The following ADCY3 variants were observed in gnomAD, a reference collection of about 807,000 sequenced individuals.
ADCY3 encodes the protein adenylate cyclase type 3.
A neutral mutation model predicts 119.4 loss-of-function variants in ADCY3; 70 were observed. That is an observed-to-expected ratio of 0.59 (90% CI 0.48 to 0.72). The LOEUF is 0.72. Among genes scored for constraint, ADCY3 ranks in the 30% least tolerant of loss-of-function variants. The pLI, the probability that ADCY3 is intolerant of heterozygous loss-of-function variation, is 0.00. For synonymous variants in ADCY3, 672 were observed against 621.4 expected (o/e 1.08, Z -1.21); for missense variants, 1,238 against 1,541.6 (o/e 0.80, Z 3.30).
chr2:24,894,984 A>G (rs1373463048), intron 2 of ADCY3, among the ~76,000 whole-genome samples: 2 of 151,322 alleles, frequency 1.3e-5, no homozygotes, highest in Non-Finnish European at 2.9e-5. Flanking sequence ...GTTCCTCTCT[A>G]TGTCGTGTGT....
chr2:24,890,041 G>A (rs1458229590), intron 2 of ADCY3, among the ~76,000 whole-genome samples: 1 of 152,146 alleles, frequency 6.6e-6, no homozygotes, highest in Admixed American at 6.5e-5. Context: ...AATGGATGCT[G>A]AATTTTGTCA....
At chr2:24,850,620 T>C (rs1464275885) in intron 3 of ADCY3, among the ~76,000 whole-genome samples, 1 of 152,248 alleles carries the variant, frequency 6.6e-6, no homozygotes, top group Non-Finnish European at 1.5e-5. Context: ...TCCAAACCTT[T>C]GACCCATTAA....
chr2:24,871,468 C>T (rs547720468), intron 3 of ADCY3, among the ~76,000 whole-genome samples: 1 of 152,236 alleles, frequency 6.6e-6, no homozygotes, highest in Non-Finnish European at 1.5e-5. Flanking sequence ...ATCCCCAGGA[C>T]AGTGGAATCG....
At position 24,834,412 on chromosome 2, in the gene ADCY3, C is replaced by G; in HGVS notation, c.1967+73G>C. 7.6e-7 allele frequency: 1 copy of G among 1,314,724 alleles called. No homozygotes were observed. 81.4% of individuals were successfully genotyped at this position (1,314,724 alleles called of 1,614,324 possible). A position where few individuals can be genotyped will look rare whatever the true frequency, so the allele number is the denominator to read the frequency against. ...CCCCAATGTCAGGCTCCCGCTGAGACACCTGCCCCCGCCCCCCGCCCGGCA... is the reference window on the plus strand; with the variant it reads ...CCCCAATGTCAGGCTCCCGCTGAGAGACCTGCCCCCGCCCCCCGCCCGGCA... On this transcript the variant is annotated intron_variant, in intron 11 of 21. Coordinates refer to ENST00000679454, the MANE Select transcript of ADCY3 (RefSeq NM_004036.5). The surrounding 1 kb of genome is among the most constrained non-coding windows in gnomAD (Gnocchi z 4.2).
intron 2 of ADCY3, among the ~76,000 whole-genome samples, chr2:24,896,784 CACAG>C (rs1678340110): frequency 6.6e-6 from 1 of 152,088 alleles, no homozygotes. Context: ...GATTCTGTCC[CACAG>C]ATTCTAGAAA....
At chr2:24,870,375 T>C (rs976649471) in intron 3 of ADCY3, among the ~76,000 whole-genome samples, 2 of 148,284 alleles carry the variant, frequency 1.3e-5, no homozygotes, top group African/African-American at 5.0e-5. Flanking sequence ...GTTTTACATA[T>C]GGGGATACTG....
At chr2:24,881,858 A>G (rs1040991872) in intron 2 of ADCY3, among the ~76,000 whole-genome samples, 3 of 152,176 alleles carry the variant, frequency 2.0e-5, no homozygotes, top group Non-Finnish European at 4.4e-5. Flanking sequence ...AGCGGGTGCT[A>G]CTGGCCTCTA....
At chr2:24,892,648 G>C (rs1677808613) in intron 2 of ADCY3, among the ~76,000 whole-genome samples, 1 of 152,108 alleles carries the variant, frequency 6.6e-6, no homozygotes, top group Non-Finnish European at 1.5e-5. Flanking sequence ...TTGGGTGCAG[G>C]GTTCTATAAA....
At chr2:24,856,075 G>A (rs1672958574) in intron 3 of ADCY3, among the ~76,000 whole-genome samples, 1 of 152,230 alleles carries the variant, frequency 6.6e-6, no homozygotes, top group African/African-American at 2.4e-5. Context: ...AATGAGGTTG[G>A]CTGGTGAGAA....
intron 20 of ADCY3, chr2:24,821,054 C>CT (rs372861677): frequency 4.6e-6 from 3 of 654,230 alleles, no homozygotes; most frequent in African/African-American, 3.7e-5. Context: ...GCCACCCCCC[C>CT]CCCATATGCA....
intron 8 of ADCY3, among the ~76,000 whole-genome samples, chr2:24,837,984 T>C (rs1020821953): frequency 2.0e-5 from 3 of 151,884 alleles, no homozygotes; most frequent in Non-Finnish European, 4.4e-5. Flanking sequence ...CTATTACTTC[T>C]ATCTCATTCC....
At position 24,899,713 on chromosome 2, in the gene ADCY3, G is replaced by C. The variant is rs1292771127; in HGVS notation, c.675+18600C>G. 2.0e-5 allele frequency among the ~76,000 whole-genome samples: 3 copies of C among 152,190 alleles called. No homozygotes were observed. The highest frequency in any genetic ancestry group is 4.4e-5 in the Non-Finnish European group (3 of 68,040). ...ACCATAGAGGGGTGTGTAGAGCTTTGCTTCCCCGATTTGCATAAGCTTATA... is the reference window on the plus strand; with the variant it reads ...ACCATAGAGGGGTGTGTAGAGCTTTCCTTCCCCGATTTGCATAAGCTTATA... On this transcript the variant is annotated intron_variant, in intron 2 of 21. Coordinates refer to ENST00000679454, the MANE Select transcript of ADCY3 (RefSeq NM_004036.5). This position sits in a 1 kb window ranked among gnomAD's most constrained non-coding sequence, Gnocchi z 4.5.
At position 24,842,144 on chromosome 2, in the gene ADCY3, T is replaced by C; in HGVS notation, c.956+110A>G. ...GATGAATGCTGTGGGAGGCCTTGCT[T>C]CTAGTCCCTGGAAAACCTCTTGAAG... On this transcript the variant is annotated intron_variant, in intron 4 of 21. Transcript: ENST00000679454. The surrounding 1 kb of genome is among the most constrained non-coding windows in gnomAD (Gnocchi z 4.9). 1 of 1,502,526 alleles carries C rather than the reference T, an allele frequency of 6.7e-7. No individual in the cohort carries two copies. Among genetic ancestry groups the C allele is most frequent in the South Asian group, 1.2e-5 (1 of 81,766 alleles). 93.1% of individuals were successfully genotyped at this position (1,502,526 alleles called of 1,614,324 possible).
chr2:24,824,663 C>T lies in ADCY3; in HGVS notation c.2578-127G>A, dbSNP rs553693228. The T allele has an allele frequency of 1.8e-5, 18 of 992,624 alleles. No individual in the cohort carries two copies. The Admixed American group carries it at 1.8e-4, about 10-fold the overall frequency. 61.5% of individuals were successfully genotyped at this position (992,624 alleles called of 1,614,324 possible). On this transcript the variant is annotated intron_variant, in intron 16 of 21. Coordinates refer to ENST00000679454, the MANE Select transcript of ADCY3 (RefSeq NM_004036.5). ...CAGCACTTTGGGAGGCCGAGGCAGG[C>T]GGATCACCTGAGGTCAGGAGTTCGA...
intron 21 of ADCY3, 92 bp from the exon 22 acceptor site, chr2:24,820,206 G>T (rs377714251): frequency 2.4e-6 from 3 of 1,263,100 alleles, no homozygotes; most frequent in Non-Finnish European, 3.2e-6. Context: ...GCCGAGCACT[G>T]ATCCATGGGT....
chr2:24,844,211 G>A (rs1288155650), intron 3 of ADCY3, among the ~76,000 whole-genome samples: 2 of 152,148 alleles, frequency 1.3e-5, no homozygotes, highest in Non-Finnish European at 2.9e-5. Context: ...GGCCAGGCCC[G>A]TGTCGCCATG....
intron 13 of ADCY3, 59 bp from the exon 14 acceptor site, chr2:24,828,220 CAGAG>C: frequency 6.3e-7 from 1 of 1,594,208 alleles, no homozygotes; most frequent in Non-Finnish European, 8.5e-7. Context: ...GTGCTGGTCA[CAGAG>C]GGCTGTGCAT....
At chr2:24,904,904 G>A (rs1186512415) in intron 2 of ADCY3, among the ~76,000 whole-genome samples, 2 of 152,174 alleles carry the variant, frequency 1.3e-5, no homozygotes, top group East Asian at 1.9e-4. Flanking sequence ...GCCTCCCAAA[G>A]TGTTAGGATT....
chr2:24,877,806 C>T (rs1391286389), intron 2 of ADCY3: 1 of 453,564 alleles, frequency 2.2e-6, no homozygotes, highest in Non-Finnish European at 4.6e-6. Flanking sequence ...AGGGAAGAGG[C>T]TCCTTGGCCT....
Sources: allele counts gnomAD v4.1 joint callset (sites outside exome capture counted in the v4.1 genomes callset), GRCh38; gene constraint gnomAD v4.1.1; non-coding constraint Gnocchi (gnomAD v3.1); transcripts MANE v1.5; gene names NCBI Gene and HGNC (gene_info 2026-07-23, HGNC 2026-07-21).